The following MAP2 variants were observed in gnomAD, a reference collection of about 807,000 sequenced individuals.
MAP2 encodes microtubule-associated protein 2.
A neutral mutation model predicts 137.6 loss-of-function variants in MAP2; 14 were observed. The observed-to-expected ratio is 0.10, with a 90% CI of 0.07 to 0.16. The LOEUF (loss-of-function observed/expected upper bound fraction) is 0.16. MAP2 is among the 10% of genes least tolerant of loss of function. The probability of loss-of-function intolerance (pLI) is 1.00; values close to 1 mark genes in which losing one functional copy is unlikely to be tolerated. For synonymous variants in MAP2, 786 were observed against 782.3 expected, an observed-to-expected ratio of 1.00 and a Z score of -0.08; for missense variants, 2,088 against 2,191.5, an observed-to-expected ratio of 0.95 and a Z score of 0.94.
intron 2 of MAP2, among the ~76,000 whole-genome samples, chr2:209,541,241 G>A (rs1414568655): frequency 4.6e-5 from 7 of 151,078 alleles, no homozygotes; most frequent in Admixed American, 3.3e-4. Flanking sequence ...TGTTGGACAG[G>A]CTGGTCTCGA....
At chr2:209,583,272 A>G (rs565115396) in intron 3 of MAP2, among the ~76,000 whole-genome samples, 14 of 152,086 alleles carry the variant, frequency 9.2e-5, no homozygotes, top group Non-Finnish European at 1.8e-4. Flanking sequence ...TTGTATTTTA[A>G]TTTTTATATT....
chr2:209,463,575 A>G (rs1184386916), intron 1 of MAP2, among the ~76,000 whole-genome samples: 1 of 152,234 alleles, frequency 6.6e-6, no homozygotes, highest in Non-Finnish European at 1.5e-5. Flanking sequence ...TATATATACC[A>G]ATGAGATATA....
intron 5 of MAP2, among the ~76,000 whole-genome samples, chr2:209,671,629 T>C (rs2153663862): frequency 6.6e-6 from 1 of 152,112 alleles, no homozygotes; most frequent in Middle Eastern, 3.4e-3. Context: ...TCGTTTTCTT[T>C]GAACACAACA....
intron 4 of MAP2, among the ~76,000 whole-genome samples, chr2:209,636,596 T>C (rs991118816): frequency 1.3e-5 from 2 of 151,408 alleles, no homozygotes; most frequent in African/African-American, 4.9e-5. Context: ...CACACACTTA[T>C]AAGCAACAGA....
intron 1 of MAP2, among the ~76,000 whole-genome samples, chr2:209,441,898 A>G (rs146514614): frequency 2.0e-5 from 3 of 151,666 alleles, no homozygotes; most frequent in African/African-American, 4.8e-5. Context: ...TGCCGGCATG[A>G]GTTGCATTTC....
chr2:209,597,101 C>T (rs1277894293), intron 3 of MAP2, among the ~76,000 whole-genome samples: 2 of 152,136 alleles, frequency 1.3e-5, no homozygotes, highest in African/African-American at 2.4e-5. Context: ...TAAGTGTGCT[C>T]TTTGCCACTT....
rs1303149212 is a variant in MAP2 at position 209,715,403 on chromosome 2, A to ATGCT, written c.5073+5149_5073+5150insTGCT. ...AACAAATATTTATTGAGCACCTACT[A>ATGCT]CACCATGCTATGTTCTACATACTGA... On this transcript the variant is annotated intron_variant, in intron 13 of 15. Transcript: ENST00000682079. Among the ~76,000 whole-genome samples the ATGCT allele has an allele frequency of 1.2e-4, 18 of 152,274 alleles. No individual in the cohort carries two copies. The East Asian group carries it at 1.7e-3, about 15-fold the overall frequency.
At chr2:209,453,106 G>A (rs12623404) in intron 1 of MAP2, among the ~76,000 whole-genome samples, 7,828 of 152,070 alleles carry the variant, frequency 0.051, 309 homozygotes, top group East Asian at 0.19. Flanking sequence ...GATTTCTGTG[G>A]CTTATACGAA....
intron 4 of MAP2, among the ~76,000 whole-genome samples, chr2:209,632,039 G>GTGA (rs1439629333): frequency 1.3e-5 from 2 of 152,190 alleles, no homozygotes; most frequent in South Asian, 2.1e-4. Flanking sequence ...GAGCAATGAT[G>GTGA]TGATCAAACT....
intron 2 of MAP2, among the ~76,000 whole-genome samples, chr2:209,554,507 G>T (rs989656366): frequency 5.3e-5 from 8 of 152,222 alleles, no homozygotes; most frequent in African/African-American, 1.7e-4. Context: ...TTGGTTTGGG[G>T]TCGGGTGCAG....
At chr2:209,588,216 T>C (rs141050029) in intron 3 of MAP2, among the ~76,000 whole-genome samples, 330 of 152,352 alleles carry the variant, frequency 2.2e-3, no homozygotes, top group African/African-American at 7.6e-3. Context: ...ACCATGCCCA[T>C]GCATTCAATT....
intron 5 of MAP2, among the ~76,000 whole-genome samples, chr2:209,654,033 A>G (rs1009280637): frequency 6.6e-6 from 1 of 152,218 alleles, no homozygotes; most frequent in African/African-American, 2.4e-5. Context: ...TAAGTGCCAC[A>G]TGAGCAGTAT....
chr2:209,601,232 T>C (rs1383902037), intron 3 of MAP2, among the ~76,000 whole-genome samples: 1 of 152,218 alleles, frequency 6.6e-6, no homozygotes, highest in Admixed American at 6.5e-5. Flanking sequence ...ATTTAGTAAC[T>C]TAAACATTAT....
intron 2 of MAP2, among the ~76,000 whole-genome samples, chr2:209,524,440 C>T (rs1331297734): frequency 1.3e-5 from 2 of 151,882 alleles, no homozygotes; most frequent in Non-Finnish European, 2.9e-5. Flanking sequence ...GATTTGGTTT[C>T]AAATGCTGGC....
intron 7 of MAP2, 38 bp downstream of exon 7, chr2:209,680,865 T>C (rs766313091): frequency 6.4e-7 from 1 of 1,560,156 alleles, no homozygotes; most frequent in Non-Finnish European, 8.8e-7. Flanking sequence ...TGTCTTCTGT[T>C]AAAGTGTGAA....
At chr2:209,452,086 C>T (rs1700447425) in intron 1 of MAP2, among the ~76,000 whole-genome samples, 1 of 152,148 alleles carries the variant, frequency 6.6e-6, no homozygotes, top group African/African-American at 2.4e-5. Flanking sequence ...CCCAAAAGAA[C>T]ACCTTGAAAT....
intron 13 of MAP2, among the ~76,000 whole-genome samples, chr2:209,714,563 A>G (rs893348807): frequency 9.2e-5 from 14 of 152,250 alleles, no homozygotes; most frequent in African/African-American, 2.7e-4. Flanking sequence ...TTGGTCTGTC[A>G]TCTTTGTAAA....
intron 2 of MAP2, among the ~76,000 whole-genome samples, chr2:209,512,604 C>T (rs993300157): frequency 4.8e-4 from 68 of 142,952 alleles, no homozygotes; most frequent in African/African-American, 1.6e-3. Flanking sequence ...CACACACAAA[C>T]ACATATATAT....
intron 1 of MAP2, among the ~76,000 whole-genome samples, chr2:209,456,229 A>C (rs74667342): frequency 0.057 from 8,647 of 152,236 alleles, 327 homozygotes; most frequent in East Asian, 0.19. Flanking sequence ...CTTCCAGTGC[A>C]TCCTTAGGAA....
Sources: gnomAD v4.1 joint callset for allele counts (sites outside exome capture counted in the v4.1 genomes callset) on GRCh38, gnomAD v4.1.1 for gene constraint, MANE v1.5 for transcripts, NCBI Gene and HGNC (gene_info 2026-07-23, HGNC 2026-07-21) for gene names.